The following MYB variants were observed in gnomAD, a reference collection of about 807,000 sequenced individuals.
The protein encoded by MYB is MYB proto-oncogene, transcription factor, also known as transcriptional activator Myb.
In MYB, 28 loss-of-function variants were observed where a neutral mutation model predicts 92.9. The observed-to-expected ratio is 0.30, with a 90% CI of 0.22 to 0.41. MYB has a LOEUF of 0.41. MYB is among the 10% of genes least tolerant of loss of function. The probability of loss-of-function intolerance (pLI) is 1.00; values close to 1 mark genes in which losing one functional copy is unlikely to be tolerated. For missense variants in MYB, 679 were observed against 929.3 expected (o/e 0.73, Z 3.50); for synonymous variants, 295 against 329.1 (o/e 0.90, Z 1.12).
chr6:135,206,062 C>T (rs1269109296), intron 15 of MYB, among the ~76,000 whole-genome samples: 2 of 151,534 alleles, frequency 1.3e-5, no homozygotes, highest in Non-Finnish European at 1.5e-5. Context: ...AAAAATTAGC[C>T]GGGCGTAGTG....
chr6:135,191,904 C>G (rs555002931), intron 5 of MYB, among the ~76,000 whole-genome samples: 1 of 152,160 alleles, frequency 6.6e-6, no homozygotes, highest in African/African-American at 2.4e-5. Flanking sequence ...TATCATCCAC[C>G]AGACTTCACC....
intron 15 of MYB, chr6:135,203,615 G>T: frequency 1.1e-6 from 1 of 899,002 alleles, no homozygotes. Context: ...TGTATTACAC[G>T]TGTGTCACTA....
rs1267631312 is a variant in MYB at position 135,190,094 on chromosome 6, A to C, written c.307-33A>C. On this transcript the variant is annotated intron_variant, in intron 4 of 15. Transcript: ENST00000341911. The surrounding 1 kb of genome is among the most constrained non-coding windows in gnomAD (Gnocchi z 4.5). ...TATACTGACTCATTACATAACTTTA[A>C]AACATAGGTTATTTTTGTGTGTTTA... 1 of 1,602,060 alleles carries C rather than the reference A, an allele frequency of 6.2e-7. No individual in the cohort carries two copies. Among genetic ancestry groups the C allele is most frequent in the African/African-American group, 1.3e-5 (1 of 74,652 alleles).
chr6:135,189,307 C>G (rs1189235874), intron 3 of MYB, among the ~76,000 whole-genome samples: 1 of 152,172 alleles, frequency 6.6e-6, no homozygotes, highest in African/African-American at 2.4e-5. Context: ...TTTACAAACT[C>G]CTGTAACATA....
Position 135,218,545 on chromosome 6 carries a change from A to G in MYB, c.*565A>G, listed in dbSNP as rs1376119110. On this transcript the variant is annotated 3_prime_UTR_variant, in exon 16 of 16. Transcript: ENST00000341911. ...ATGAGTTTTCTGTTAGCTTGCTTTA[A>G]AAATTATTACTGTAAGAAATAGTTT... is the stretch of plus-strand genomic sequence containing the variant. 2 of 182,214 alleles carry G rather than the reference A, an allele frequency of 1.1e-5. No individual in the cohort carries two copies. The highest frequency in any genetic ancestry group is 1.8e-4 in the East Asian group (2 of 11,100). 11.3% of individuals were successfully genotyped at this position (182,214 alleles called of 1,614,324 possible). A position where few individuals can be genotyped will look rare whatever the true frequency, so the allele number is the denominator to read the frequency against.
chr6:135,196,651 C>G, intron 9 of MYB: 1 of 943,230 alleles, frequency 1.1e-6, no homozygotes, highest in South Asian at 1.4e-5. Flanking sequence ...ATTGCACACT[C>G]ATTGGTTAGG....
At chr6:135,207,017 T>G (rs1583386408) in intron 15 of MYB, among the ~76,000 whole-genome samples, 1 of 152,228 alleles carries the variant, frequency 6.6e-6, no homozygotes, top group Non-Finnish European at 1.5e-5. Context: ...ATAGATTTTT[T>G]ATGCAATTTG....
At chr6:135,202,680 T>C (rs1049361225) in intron 14 of MYB, 7 of 282,832 alleles carry the variant, frequency 2.5e-5, no homozygotes, top group Admixed American at 9.6e-5. Flanking sequence ...GTGGGTATTA[T>C]TATCATTTCT....
At chr6:135,188,502 T>G (rs1465852197) in intron 3 of MYB, among the ~76,000 whole-genome samples, 1 of 148,486 alleles carries the variant, frequency 6.7e-6, no homozygotes, top group African/African-American at 2.5e-5. Flanking sequence ...CTTTTTTTTT[T>G]TTTTGTTTTT....
In MYB at chr6:135,181,447, G is replaced by A; in HGVS notation, c.-67G>A. Reference sequence around the variant, plus strand: ...CGGGGAGGGACGCAGGCAGGCGGCGGGCAGCGGGAGGCGGCAGCCCGGTGC... The same window carrying A: ...CGGGGAGGGACGCAGGCAGGCGGCGAGCAGCGGGAGGCGGCAGCCCGGTGC... On this transcript the variant is annotated 5_prime_UTR_variant, in exon 1 of 16. Transcript: ENST00000341911. This position sits in a 1 kb window ranked among gnomAD's most constrained non-coding sequence, Gnocchi z 5.3. 1.9e-6 allele frequency: 2 copies of A among 1,076,280 alleles called. No homozygotes were observed. Among genetic ancestry groups the A allele is most frequent in the South Asian group, 3.6e-5 (1 of 27,744 alleles). The allele number at this position is 1,076,280 out of a possible 1,614,324, so 66.7% of individuals were successfully genotyped here. A position where few individuals can be genotyped will look rare whatever the true frequency, so the allele number is the denominator to read the frequency against.
At chr6:135,194,212 G>T (rs1313535835) in intron 7 of MYB, 144 bp from the exon 8 acceptor site, 5 of 645,190 alleles carry the variant, frequency 7.7e-6, no homozygotes, top group Non-Finnish European at 1.3e-5. Context: ...AAAGATTTCT[G>T]CAGGAGCCAA....
At chr6:135,197,399 T>G (rs1415845274) in intron 10 of MYB, 76 bp downstream of exon 10, 1 of 1,268,074 alleles carries the variant, frequency 7.9e-7, no homozygotes, top group African/African-American at 1.5e-5. Context: ...AAACTAATAC[T>G]TCGGAACAAA....
intron 8 of MYB, chr6:135,195,542 A>G (rs1777182559): frequency 1.8e-6 from 1 of 570,132 alleles, no homozygotes; most frequent in African/African-American, 1.9e-5. Flanking sequence ...TCATATAGGT[A>G]CAACCTCTAG....
intron 9 of MYB, 96 bp from the exon 10 acceptor site, chr6:135,196,865 G>A (rs1777393048): frequency 6.3e-7 from 1 of 1,587,974 alleles, no homozygotes; most frequent in South Asian, 1.1e-5. Flanking sequence ...AACGGGCCTA[G>A]TGTTTGCTTT....
intron 15 of MYB, among the ~76,000 whole-genome samples, chr6:135,216,646 T>C (rs940949393): frequency 2.6e-5 from 4 of 152,236 alleles, no homozygotes; most frequent in African/African-American, 9.6e-5. Flanking sequence ...CCCACAGATA[T>C]GGGACCCACA....
rs1775218836 is a variant in MYB, at chr6:135,182,529, C to T, written c.23+993C>T. 6.6e-6 allele frequency among the ~76,000 whole-genome samples: 1 copy of T among 152,188 alleles called. No homozygotes were observed. The stretch of plus-strand genomic sequence containing the variant: ...ACGCGATCCCCGCGGGCTCTGCCCC[C>T]AGGCGAAAGGTCCCTGCGCGGCGCG... On this transcript the variant is annotated intron_variant, in intron 1 of 15. Transcript: ENST00000341911. The surrounding 1 kb of genome is among the most constrained non-coding windows in gnomAD (Gnocchi z 5.6).
chr6:135,203,164 G>A, intron 14 of MYB, 53 bp from the exon 15 acceptor site: 2 of 1,278,962 alleles, frequency 1.6e-6, no homozygotes, highest in Non-Finnish European at 2.3e-6. Context: ...GAAAAATGTG[G>A]CTCTCATATT....
chr6:135,216,094 TAG>T (rs1273343353), intron 15 of MYB, among the ~76,000 whole-genome samples: 1 of 152,186 alleles, frequency 6.6e-6, no homozygotes, highest in African/African-American at 2.4e-5. Context: ...CATTGACTGC[TAG>T]AGAGATCAGA....
rs752328138 is a variant in MYB, at chr6:135,197,239, CTG to C, written c.1484_1485del (p.Cys495Ter). 84 of 1,613,916 alleles carry C rather than the reference CTG, an allele frequency of 5.2e-5. No homozygotes were observed. The highest frequency in any genetic ancestry group is 5.4e-5 in the Non-Finnish European group (64 of 1,179,904). On this transcript the variant is annotated frameshift_variant, in exon 10 of 16. Transcript: ENST00000341911. LOFTEE classifies it high-confidence loss of function. ...GQASPLATGDCSSFIFADVSS... is the reference protein window; with the variant it reads ...GQASPLATGDXSSFIFADVSS... ...AGGCCAGCCCCTTAGCCACTGGAGA[CTG>C]TAGCTCCTTCATATTTGCTGACGTC...
Sources: gnomAD v4.1 joint callset for allele counts (sites outside exome capture counted in the v4.1 genomes callset) on GRCh38, gnomAD v4.1.1 for gene constraint, Gnocchi (gnomAD v3.1) non-coding constraint, MANE v1.5 for transcripts, NCBI Gene and HGNC (gene_info 2026-07-23, HGNC 2026-07-21) for gene names.